AKAP19: variants seen among roughly 807,000 people sequenced by gnomAD.
AKAP19 encodes the protein small A-kinase anchoring protein.
At chr2:189,898,661 C>G in the AKAP19 span, among the ~76,000 whole-genome samples, 1 of 152,138 alleles carries the variant, frequency 6.6e-6, no homozygotes, top group East Asian at 1.9e-4. Flanking sequence ...TAACATCTCC[C>G]TGATTATCTT....
At chr2:189,914,108 G>A in the AKAP19 span, among the ~76,000 whole-genome samples, 1 of 152,152 alleles carries the variant, frequency 6.6e-6, no homozygotes, top group South Asian at 2.1e-4. Flanking sequence ...AAAGCAATAT[G>A]TTAATCCTGT....
At chr2:190,053,678 CTTAG>C in the AKAP19 span, among the ~76,000 whole-genome samples, 1 of 151,932 alleles carries the variant, frequency 6.6e-6, no homozygotes, top group Non-Finnish European at 1.5e-5. Flanking sequence ...AGTTTCATTT[CTTAG>C]TTATATTATT....
the AKAP19 span, among the ~76,000 whole-genome samples, chr2:190,144,850 C>T: frequency 1.3e-5 from 2 of 151,842 alleles, no homozygotes; most frequent in African/African-American, 2.4e-5. Context: ...GGTGGCACAC[C>T]CCTGTAATCC....
At chr2:189,899,158 C>T in the AKAP19 span, among the ~76,000 whole-genome samples, 7 of 152,280 alleles carry the variant, frequency 4.6e-5, no homozygotes, top group South Asian at 1.4e-3. Context: ...ATTTATCTTA[C>T]AAGACTCAGA....
At chr2:189,971,670 G>A in the AKAP19 span, among the ~76,000 whole-genome samples, 5 of 152,098 alleles carry the variant, frequency 3.3e-5, no homozygotes, top group African/African-American at 9.7e-5. Flanking sequence ...TTTAATGATC[G>A]TCATTCTAAC....
the AKAP19 span, among the ~76,000 whole-genome samples, chr2:189,903,031 T>C: frequency 6.6e-6 from 1 of 151,990 alleles, no homozygotes; most frequent in Non-Finnish European, 1.5e-5. Context: ...TATTAGAGGA[T>C]ATCTTAAAAT....
chr2:190,102,704 A>C, the AKAP19 span, among the ~76,000 whole-genome samples: 4 of 151,986 alleles, frequency 2.6e-5, no homozygotes, highest in African/African-American at 9.7e-5. Flanking sequence ...AAAAAAAAAG[A>C]CCTACCAACC....
chr2:190,057,492 A>G, the AKAP19 span: 6 of 1,613,590 alleles, frequency 3.7e-6, no homozygotes, highest in Admixed American at 1.7e-5. Context: ...TAGGAGCGAT[A>G]ATCCAATCCC....
chr2:190,164,745 T>C, the AKAP19 span, among the ~76,000 whole-genome samples: 1 of 152,206 alleles, frequency 6.6e-6, no homozygotes, highest in Non-Finnish European at 1.5e-5. Flanking sequence ...GATGGGCAGA[T>C]TTTTGGAATA....
the AKAP19 span, among the ~76,000 whole-genome samples, chr2:190,122,543 A>G: frequency 6.6e-6 from 1 of 152,160 alleles, no homozygotes; most frequent in Non-Finnish European, 1.5e-5. Context: ...TTTTGTAATT[A>G]AGGCAATTCA....
At chr2:190,067,694 C>A in the AKAP19 span, among the ~76,000 whole-genome samples, 3,715 of 152,238 alleles carry the variant, frequency 0.024, 161 homozygotes, top group East Asian at 0.18. Context: ...TATTCATACT[C>A]TGGCAATCCT....
At chr2:189,928,251 T>A in the AKAP19 span, among the ~76,000 whole-genome samples, 1 of 152,272 alleles carries the variant, frequency 6.6e-6, no homozygotes, top group African/African-American at 2.4e-5. Context: ...TTTCAGTGAA[T>A]CATATTTGAA....
chr2:189,986,296 C>T, the AKAP19 span, among the ~76,000 whole-genome samples: 1 of 151,690 alleles, frequency 6.6e-6, no homozygotes, highest in South Asian at 2.1e-4. Flanking sequence ...GGACTTTTCT[C>T]TTCCTCTTTC....
chr2:189,992,199 G>A, the AKAP19 span, among the ~76,000 whole-genome samples: 71 of 150,696 alleles, frequency 4.7e-4, no homozygotes, highest in Middle Eastern at 6.8e-3. Context: ...GGGATTACAG[G>A]CACCCCCCAC....
the AKAP19 span, among the ~76,000 whole-genome samples, chr2:189,995,065 G>T: frequency 1.3e-5 from 2 of 152,168 alleles, no homozygotes; most frequent in African/African-American, 4.8e-5. Context: ...CTTGGAGAAT[G>T]TTCCAGTTTC....
At chr2:189,967,825 T>TA in the AKAP19 span, among the ~76,000 whole-genome samples, 1 of 145,172 alleles carries the variant, frequency 6.9e-6, no homozygotes, top group Non-Finnish European at 1.5e-5. Flanking sequence ...ACCCCATCTC[T>TA]AAAAAAAATA....
At chr2:190,038,925 C>CTTTCT in the AKAP19 span, among the ~76,000 whole-genome samples, 7 of 133,250 alleles carry the variant, frequency 5.3e-5, no homozygotes, top group African/African-American at 2.0e-4. Flanking sequence ...TCTTCTTCTT[C>CTTTCT]TTCTTCTTCT....
chr2:190,186,978 T>C, the AKAP19 span, among the ~76,000 whole-genome samples: 1 of 152,180 alleles, frequency 6.6e-6, no homozygotes, highest in African/African-American at 2.4e-5. The surrounding 1 kb of genome is among the most constrained non-coding windows in gnomAD (Gnocchi z 5.5). Flanking sequence ...TAGCTGGAAT[T>C]ACAGGCACCT....
At chr2:189,880,691 C>T in the AKAP19 span, among the ~76,000 whole-genome samples, 5 of 152,264 alleles carry the variant, frequency 3.3e-5, no homozygotes, top group South Asian at 4.1e-4. Context: ...CAGCTTTCAG[C>T]TTAATTTTTT....
Sources: allele counts gnomAD v4.1 joint callset (sites outside exome capture counted in the v4.1 genomes callset), GRCh38; gene constraint gnomAD v4.1.1; non-coding constraint Gnocchi (gnomAD v3.1); transcripts MANE v1.5; gene names NCBI Gene and HGNC (gene_info 2026-07-23, HGNC 2026-07-21).